FAT3: variants seen among roughly 807,000 people sequenced by gnomAD.
The protein encoded by FAT3 is protocadherin Fat 3.
FAT3 carries 95 observed loss-of-function variants against 310.2 expected under a neutral mutation model. The ratio of observed to expected loss-of-function variants is 0.31; its 90% CI spans 0.26 to 0.36. The LOEUF (loss-of-function observed/expected upper bound fraction) is 0.36, where lower values mean the gene tolerates loss of function less well. FAT3 is among the 10% of genes least tolerant of loss of function. The pLI is 1.00. For synonymous variants in FAT3, 2,314 were observed against 2,192.9 expected (o/e 1.06, Z -1.54); for missense variants, 5,408 against 5,715.6 (o/e 0.95, Z 1.74).
In FAT3 at chr11:92,810,120, T is replaced by C. The variant is rs764565566; in HGVS notation, c.9481+44T>C. 3 of 1,542,962 alleles carry C rather than the reference T, an allele frequency of 1.9e-6. 1 individual carries two copies. Among genetic ancestry groups the C allele is most frequent in the South Asian group, 2.3e-5 (2 of 86,662 alleles). Reference sequence around the variant, plus strand: ...TCTCCCTGTCACACAGTGGACACTTTGTCTTCAGGTGCTGCCATTCCTTTA... The same window carrying C: ...TCTCCCTGTCACACAGTGGACACTTCGTCTTCAGGTGCTGCCATTCCTTTA... On this transcript the variant is annotated intron_variant, in intron 13 of 27. Coordinates refer to ENST00000525166, the MANE Select transcript of FAT3 (RefSeq NM_001367949.2).
rs183206487 is a variant in FAT3 at position 92,832,363 on chromosome 11, G to T, written c.9871+352G>T. Among the ~76,000 whole-genome samples the T allele has an allele frequency of 1.8e-3, 271 of 151,884 alleles. 1 individual carries two copies. The highest frequency in any genetic ancestry group is 5.8e-3 in the African/African-American group (240 of 41,422). On this transcript the variant is annotated intron_variant, in intron 14 of 27. Transcript: ENST00000525166. ...AAAAATAATAATAGTAAGAATGCAG[G>T]ACTTCACTATATCCTGCTTCTCCCG...
intron 3 of FAT3, among the ~76,000 whole-genome samples, chr11:92,632,559 C>G (rs1431810204): frequency 6.6e-6 from 1 of 152,218 alleles, no homozygotes; most frequent in Admixed American, 6.5e-5. Flanking sequence ...GCAGTCACTT[C>G]TCTTCTGCAG....
chr11:92,286,524 T>C lies in FAT3; in HGVS notation c.-18+61350T>C, dbSNP rs920287936. Among the ~76,000 whole-genome samples, 7 of 152,294 alleles carry C rather than the reference T, an allele frequency of 4.6e-5. No homozygotes were observed. The East Asian group carries it at 7.7e-4, about 17-fold the overall frequency. On this transcript the variant is annotated intron_variant, in intron 1 of 27. Transcript: ENST00000525166. ...TGGATGGTGTTATTCAAATATAGTATGTGCTTTTGGTGTAGTTGTTTTCCT... is the reference window on the plus strand; with the variant it reads ...TGGATGGTGTTATTCAAATATAGTACGTGCTTTTGGTGTAGTTGTTTTCCT...
chr11:92,866,133 G>A (rs907158616), intron 21 of FAT3, among the ~76,000 whole-genome samples: 1 of 152,172 alleles, frequency 6.6e-6, no homozygotes, highest in Admixed American at 6.5e-5. Flanking sequence ...TGAGAACTAG[G>A]AAATTTTTCA....
At chr11:92,296,219 A>T (rs1027518951) in intron 1 of FAT3, among the ~76,000 whole-genome samples, 8 of 152,132 alleles carry the variant, frequency 5.3e-5, no homozygotes, top group Non-Finnish European at 1.2e-4. Flanking sequence ...AGCAGTACAC[A>T]GTTGTAGCTA....
chr11:92,451,828 G>C (rs1275857764), intron 2 of FAT3, among the ~76,000 whole-genome samples: 3 of 152,142 alleles, frequency 2.0e-5, no homozygotes, highest in African/African-American at 7.2e-5. Flanking sequence ...CCAATTTTTA[G>C]ATCATAATAA....
At chr11:92,233,359 C>T (rs933264060) in intron 1 of FAT3, among the ~76,000 whole-genome samples, 9 of 152,296 alleles carry the variant, frequency 5.9e-5, no homozygotes, top group African/African-American at 2.2e-4. Context: ...GCAGATCATT[C>T]ACAGTCTGGT....
At chr11:92,404,964 G>T (rs1317933083) in intron 2 of FAT3, among the ~76,000 whole-genome samples, 2 of 151,948 alleles carry the variant, frequency 1.3e-5, no homozygotes, top group African/African-American at 4.8e-5. Context: ...CAGACCTTTG[G>T]GTTTGGTATG....
Position 92,801,199 on chromosome 11 carries a change from C to A in FAT3, c.8186C>A (p.Thr2729Asn), listed in dbSNP as rs898514816. ...ACAGCCATTGGGAGTACAGTGGACA[C>A]CCTGAGGATTTTGCCCAGTCAGAAT... ...EDTAIGSTVD[T>N]LRILPSQNVW... Residue 2729 changes from threonine (T) to asparagine (N), a missense_variant, in exon 10 of 28, where the codon ACC (threonine) becomes AAC (asparagine). Physicochemically the swap from Thr to Asn is moderately conservative, Grantham distance 65. This residue lies in a region of FAT3 where 4,588 missense variants were observed against 4,809.8 expected (regional missense o/e 0.95). Coordinates refer to ENST00000525166, the MANE Select transcript of FAT3 (RefSeq NM_001367949.2). 4 of 1,613,672 alleles carry A rather than the reference C, an allele frequency of 2.5e-6. No individual in the cohort carries two copies. Among genetic ancestry groups the A allele is most frequent in the Admixed American group, 3.3e-5 (2 of 59,982 alleles).
chr11:92,541,188 G>T (rs1223924733), intron 3 of FAT3, among the ~76,000 whole-genome samples: 1 of 152,120 alleles, frequency 6.6e-6, no homozygotes, highest in Non-Finnish European at 1.5e-5. Context: ...TGCAATGAAG[G>T]ATAAGAAAAT....
intron 15 of FAT3, among the ~76,000 whole-genome samples, 172 bp downstream of exon 15, chr11:92,835,256 A>G (rs1183525892): frequency 6.6e-6 from 1 of 152,142 alleles, no homozygotes; most frequent in African/African-American, 2.4e-5. Flanking sequence ...TAATTTGTAT[A>G]TTAGGAAGAG....
rs1011772499 is a variant in FAT3 at position 92,893,641 on chromosome 11, T to C, written c.*2528T>C. ...GAAGAAAATTGTGCCCACCCTTTGC[T>C]GTGACCTATATAAAATATCTCTTTC... On this transcript the variant is annotated 3_prime_UTR_variant, in exon 28 of 28. Transcript: ENST00000525166. 1.3e-5 allele frequency: 2 copies of C among 152,234 alleles called. No individual in the cohort carries two copies. The highest frequency in any genetic ancestry group is 2.4e-5 in the African/African-American group (1 of 41,472). The allele number at this position is 152,234 out of a possible 1,614,324, so 9.4% of individuals were successfully genotyped here. A position where few individuals can be genotyped will look rare whatever the true frequency, so the allele number is the denominator to read the frequency against.
At chr11:92,316,513 A>G (rs1947465451) in intron 1 of FAT3, among the ~76,000 whole-genome samples, 1 of 152,212 alleles carries the variant, frequency 6.6e-6, no homozygotes, top group African/African-American at 2.4e-5. Flanking sequence ...AACAAGTTGA[A>G]TTGGAGATGG....
intron 3 of FAT3, among the ~76,000 whole-genome samples, chr11:92,691,895 A>C (rs892594719): frequency 1.3e-5 from 2 of 152,162 alleles, no homozygotes; most frequent in African/African-American, 4.8e-5. Context: ...AGACTATATG[A>C]TATCTGAACT....
chr11:92,527,435 C>T (rs1054015896), intron 3 of FAT3, among the ~76,000 whole-genome samples: 2 of 152,160 alleles, frequency 1.3e-5, no homozygotes, highest in African/African-American at 4.8e-5. Context: ...ACTGTAGTTA[C>T]AGTCATTTAA....
At chr11:92,814,458 A>G (rs1474949732) in intron 13 of FAT3, among the ~76,000 whole-genome samples, 4 of 152,164 alleles carry the variant, frequency 2.6e-5, no homozygotes, top group African/African-American at 9.7e-5. Context: ...ATAATTTTAC[A>G]CCTATTTTAT....
At chr11:92,489,882 T>C (rs1952550940) in intron 2 of FAT3, among the ~76,000 whole-genome samples, 1 of 147,540 alleles carries the variant, frequency 6.8e-6, no homozygotes, top group Non-Finnish European at 1.5e-5. Flanking sequence ...AGTTTTTTTC[T>C]TTTTCTTTTT....
At chr11:92,568,776 C>T (rs554942498) in intron 3 of FAT3, among the ~76,000 whole-genome samples, 1 of 152,150 alleles carries the variant, frequency 6.6e-6, no homozygotes, top group Admixed American at 6.5e-5. Context: ...GTTTCCAACT[C>T]GTCCTTCAAA....
intron 3 of FAT3, among the ~76,000 whole-genome samples, chr11:92,575,258 A>G (rs1938419118): frequency 6.6e-6 from 1 of 152,140 alleles, no homozygotes; most frequent in African/African-American, 2.4e-5. Flanking sequence ...AAAGATACAC[A>G]ATCAATACGG....
Sources: allele counts gnomAD v4.1 joint callset (sites outside exome capture counted in the v4.1 genomes callset), GRCh38; gene constraint gnomAD v4.1.1; regional missense constraint gnomAD v4.1.1; transcripts MANE v1.5; gene names NCBI Gene and HGNC (gene_info 2026-07-23, HGNC 2026-07-21).